Variants in BEND4 observed in about 807,000 individuals in gnomAD.
BEND4 encodes the protein BEN domain-containing protein 4.
Under a neutral mutation model 54.7 loss-of-function variants are expected in BEND4, and 27 were observed. The observed-to-expected ratio is 0.49, with a 90% confidence interval of 0.36 to 0.68. The LOEUF is 0.68. BEND4 is among the 30% of genes least tolerant of loss of function. BEND4 has a pLI of 0.00. For missense variants in BEND4, 702 were observed against 697.2 expected (o/e 1.01, Z -0.08); for synonymous variants, 327 against 299.5 (o/e 1.09, Z -0.95).
At chr4:42,150,564 T>G (rs1167312751) in intron 2 of BEND4, among the ~76,000 whole-genome samples, 4 of 152,246 alleles carry the variant, frequency 2.6e-5, no homozygotes, top group Non-Finnish European at 5.9e-5. Context: ...TTCACTGACA[T>G]GCAGGATTTG....
intron 2 of BEND4, among the ~76,000 whole-genome samples, chr4:42,150,680 G>A (rs1358705538): frequency 2.0e-5 from 3 of 152,236 alleles, no homozygotes; most frequent in Admixed American, 6.5e-5. Context: ...TCCCTTGGGC[G>A]CAGGCCTCAG....
At chr4:42,122,359 T>G (rs1370484326) in intron 4 of BEND4, among the ~76,000 whole-genome samples, 1 of 152,168 alleles carries the variant, frequency 6.6e-6, no homozygotes, top group Admixed American at 6.5e-5. Flanking sequence ...GAAAAAAAGC[T>G]TATGAGGGCT....
At chr4:42,142,061 G>A (rs1249220526) in intron 3 of BEND4, among the ~76,000 whole-genome samples, 2 of 151,612 alleles carry the variant, frequency 1.3e-5, no homozygotes, top group African/African-American at 4.8e-5. Flanking sequence ...CTGCCACCAT[G>A]CCTGGCGACT....
intron 3 of BEND4, among the ~76,000 whole-genome samples, chr4:42,130,142 T>C (rs1720451886): frequency 6.6e-6 from 1 of 152,002 alleles, no homozygotes; most frequent in African/African-American, 2.4e-5. Context: ...AACAAACATA[T>C]GAAAAAAAGT....
rs990633026 is a variant in BEND4 at position 42,112,888 on chromosome 4, C to T, written c.*4630G>A. On this transcript the variant is annotated 3_prime_UTR_variant, in exon 6 of 6. Transcript: ENST00000502486. ...TAAATAAAAGAACCAGTGCCACTGG[C>T]TGACAGTGTAACTTTGCAGAGGACT... 1 of 152,198 alleles carries T rather than the reference C, an allele frequency of 6.6e-6. No homozygotes were observed. Among genetic ancestry groups the T allele is most frequent in the African/African-American group, 2.4e-5 (1 of 41,446 alleles). The allele number at this position is 152,198 out of a possible 1,614,324, so 9.4% of individuals were successfully genotyped here. A position where few individuals can be genotyped will look rare whatever the true frequency, so the allele number is the denominator to read the frequency against.
chr4:42,126,364 T>C (rs989517644), intron 3 of BEND4, among the ~76,000 whole-genome samples: 2 of 152,198 alleles, frequency 1.3e-5, no homozygotes, highest in Non-Finnish European at 2.9e-5. Context: ...TTGCTAATTA[T>C]TAATCAATAA....
At chr4:42,125,406 GTAGT>G (rs1199574669) in intron 4 of BEND4, among the ~76,000 whole-genome samples, 173 bp downstream of exon 4, 1 of 152,202 alleles carries the variant, frequency 6.6e-6, no homozygotes, top group Non-Finnish European at 1.5e-5. Flanking sequence ...CTGAATCTCT[GTAGT>G]TAAATACATG....
rs1227984547 is a variant in BEND4 at position 42,112,004 on chromosome 4, T to C, written c.*5514A>G. 1 of 152,258 alleles carries C rather than the reference T, an allele frequency of 6.6e-6. No homozygotes were observed. The highest frequency in any genetic ancestry group is 2.4e-5 in the African/African-American group (1 of 41,470). The allele number at this position is 152,258 out of a possible 1,614,324, so 9.4% of individuals were successfully genotyped here. A position where few individuals can be genotyped will look rare whatever the true frequency, so the allele number is the denominator to read the frequency against. ...ACCTGGGCAGATCCCAGAGGATATA[T>C]GGTTTGTATGTTCCTACCTAAGCAT... On this transcript the variant is annotated 3_prime_UTR_variant, in exon 6 of 6. Coordinates refer to ENST00000502486, the MANE Select transcript of BEND4 (RefSeq NM_207406.4).
At position 42,115,634 on chromosome 4, in the gene BEND4, C is replaced by A. The variant is rs546204290; in HGVS notation, c.*1884G>T. On this transcript the variant is annotated 3_prime_UTR_variant, in exon 6 of 6. Transcript: ENST00000502486. ...GGCTATGGTGGTGTTTTTCTTCTAG[C>A]GAAGATGTCATGTTGTCAAAGAATC... is the stretch of plus-strand genomic sequence containing the variant. 2 of 152,132 alleles carry A rather than the reference C, an allele frequency of 1.3e-5. No homozygotes were observed. Among genetic ancestry groups the A allele is most frequent in the Non-Finnish European group, 2.9e-5 (2 of 68,014 alleles). 9.4% of individuals were successfully genotyped at this position (152,132 alleles called of 1,614,324 possible). A position where few individuals can be genotyped will look rare whatever the true frequency, so the allele number is the denominator to read the frequency against.
chr4:42,125,061 T>G (rs932218638), intron 4 of BEND4, among the ~76,000 whole-genome samples: 2 of 152,240 alleles, frequency 1.3e-5, no homozygotes, highest in African/African-American at 2.4e-5. Flanking sequence ...CTTGAACATC[T>G]TATAAGTATG....
In BEND4 at chr4:42,117,620, C is replaced by A; in HGVS notation, c.1503G>T (p.Gly501=). ...VGHARQGRAV[G]TFLHNGGSFY... ...ATGAGCCACCGTTGTGCAGGAAAGT[C>A]CCCACCGCCCGCCCCTGTCGGGCGT... The change falls in exon 6 of 6, where the codon GGG becomes GGT. Residue 501 remains glycine, a synonymous_variant. Coordinates refer to ENST00000502486, the MANE Select transcript of BEND4 (RefSeq NM_207406.4). 1.9e-6 allele frequency: 3 copies of A among 1,612,930 alleles called. No individual in the cohort carries two copies. The highest frequency in any genetic ancestry group is 2.5e-6 in the Non-Finnish European group (3 of 1,179,456).
In BEND4 at chr4:42,117,536, C is replaced by T. The variant is rs1719887907; in HGVS notation, c.1587G>A (p.Gln529=). Residue 529 remains glutamine (Q), a synonymous_variant, in exon 6 of 6, where the codon CAG becomes CAA. Coordinates refer to ENST00000502486, the MANE Select transcript of BEND4 (RefSeq NM_207406.4). ...CTGTCCACTAATCCCCAGATCCATCCTGGGAACTTTTATTGAAGACTTCAT... is the reference window on the plus strand; with the variant it reads ...CTGTCCACTAATCCCCAGATCCATCTTGGGAACTTTTATTGAAGACTTCAT... ...SQDEVFNKSS[Q]DGSGD is the part of the protein sequence containing the mutation. 1 of 1,611,360 alleles carries T rather than the reference C, an allele frequency of 6.2e-7. No individual in the cohort carries two copies. Among genetic ancestry groups the T allele is most frequent in the Non-Finnish European group, 8.5e-7 (1 of 1,178,700 alleles).
chr4:42,120,692 T>TTAAG (rs1302206229), intron 4 of BEND4, among the ~76,000 whole-genome samples: 3 of 152,238 alleles, frequency 2.0e-5, no homozygotes, highest in African/African-American at 7.2e-5. Context: ...TTGGTTACTT[T>TTAAG]TAAGTACTTT....
At chr4:42,152,416 A>C (rs1721340515) in intron 1 of BEND4, 40 bp from the exon 2 acceptor site, 1 of 211,346 alleles carries the variant, frequency 4.7e-6, no homozygotes, top group Non-Finnish European at 9.4e-6. Flanking sequence ...TGTTTAGGGT[A>C]ATATCTGCTA....
intron 2 of BEND4, among the ~76,000 whole-genome samples, chr4:42,149,191 A>ACC (rs534773899): frequency 5.6e-4 from 45 of 80,542 alleles, no homozygotes; most frequent in African/African-American, 8.0e-4. Flanking sequence ...CGCCGCTCCC[A>ACC]CCCCCCCCAC....
intron 2 of BEND4, chr4:42,150,944 G>C (rs1238438775): frequency 1.3e-5 from 2 of 152,212 alleles, no homozygotes; most frequent in Non-Finnish European, 2.9e-5. Flanking sequence ...CAGAGTGCCT[G>C]CGACTCCCGG....
At chr4:42,132,302 C>T (rs1720535535) in intron 3 of BEND4, among the ~76,000 whole-genome samples, 1 of 152,198 alleles carries the variant, frequency 6.6e-6, no homozygotes. Context: ...CACACCACTC[C>T]CTTGGCCCCC....
intron 2 of BEND4, among the ~76,000 whole-genome samples, chr4:42,149,837 A>G (rs1721199986): frequency 6.6e-6 from 1 of 152,218 alleles, no homozygotes; most frequent in Non-Finnish European, 1.5e-5. Flanking sequence ...AATACAGGAA[A>G]TATATAGCCG....
rs1719634911 is a variant in BEND4 at position 42,112,970 on chromosome 4, T to C, written c.*4548A>G. On this transcript the variant is annotated 3_prime_UTR_variant, in exon 6 of 6. Transcript: ENST00000502486. ...ACTCCAACTGAAGTGGTTATTTTTA[T>C]CCAGCACTTACATGACTGAAAGCAG... 2 of 152,194 alleles carry C rather than the reference T, an allele frequency of 1.3e-5. No homozygotes were observed. The highest frequency in any genetic ancestry group is 4.1e-4 in the South Asian group (2 of 4,828). The allele number at this position is 152,194 out of a possible 1,614,324, so 9.4% of individuals were successfully genotyped here. A position where few individuals can be genotyped will look rare whatever the true frequency, so the allele number is the denominator to read the frequency against.
Sources: allele counts gnomAD v4.1 joint callset (sites outside exome capture counted in the v4.1 genomes callset), GRCh38; gene constraint gnomAD v4.1.1; transcripts MANE v1.5; gene names NCBI Gene and HGNC (gene_info 2026-07-23, HGNC 2026-07-21).